Variants in PACSIN2 observed in about 807,000 individuals in gnomAD.
PACSIN2 encodes the protein protein kinase C and casein kinase substrate in neurons 2.
Under a neutral mutation model 63.8 loss-of-function variants are expected in PACSIN2, and 25 were observed. The observed-to-expected ratio is 0.39, with a 90% CI of 0.29 to 0.55. The LOEUF is 0.55. PACSIN2 is among the 20% of genes least tolerant of loss of function. The probability of loss-of-function intolerance (pLI) is 0.62; values close to 1 mark genes in which losing one functional copy is unlikely to be tolerated. For missense variants in PACSIN2, 518 were observed against 646.9 expected (o/e 0.80, Z 2.16); for synonymous variants, 255 against 256.2 (o/e 1.00, Z 0.05).
At chr22:42,884,364 T>A in intron 6 of PACSIN2, 22 bp downstream of exon 6, 1 of 1,603,266 alleles carries the variant, frequency 6.2e-7, no homozygotes, top group Non-Finnish European at 8.5e-7. Flanking sequence ...GACGTGTGTG[T>A]TTTAGCTCAA....
chr22:42,890,398 T>C (rs909597965), intron 4 of PACSIN2, among the ~76,000 whole-genome samples: 6 of 152,224 alleles, frequency 3.9e-5, no homozygotes, highest in African/African-American at 1.4e-4. Flanking sequence ...AATGTATGGT[T>C]CTGATCCTCA....
intron 1 of PACSIN2, among the ~76,000 whole-genome samples, chr22:42,966,099 C>A (rs138688643): frequency 1.3e-5 from 2 of 152,130 alleles, no homozygotes; most frequent in Non-Finnish European, 2.9e-5. Flanking sequence ...GGGCTGGGCG[C>A]GGTGGCTCAC....
intron 1 of PACSIN2, among the ~76,000 whole-genome samples, chr22:42,941,202 G>A (rs1364445949): frequency 1.5e-5 from 2 of 134,914 alleles, no homozygotes; most frequent in African/African-American, 2.9e-5. Flanking sequence ...TTCAAGGTTC[G>A]TCCACGTTGC....
At chr22:42,889,398 A>T (rs191032218) in intron 4 of PACSIN2, among the ~76,000 whole-genome samples, 1 of 151,306 alleles carries the variant, frequency 6.6e-6, no homozygotes, top group African/African-American at 2.4e-5. Context: ...ACACACACAC[A>T]CTCTTAACAG....
Position 42,912,048 on chromosome 22 carries a change from T to C in PACSIN2, c.33A>G (p.Val11=), listed in dbSNP as rs1482780659. 4.4e-6 allele frequency: 7 copies of C among 1,605,808 alleles called. No individual in the cohort carries two copies. Among genetic ancestry groups the C allele is most frequent in the Non-Finnish European group, 5.9e-6 (7 of 1,177,132 alleles). The change falls in exon 2 of 11, where the codon GTA becomes GTG. Residue 11 remains valine (V), a synonymous_variant. Transcript: ENST00000263246. ...CCCAGAAGCTGTCGCTGGACACTTCTACTCCAACGGAATCATCATATGTGA... is the reference window on the plus strand; with the variant it reads ...CCCAGAAGCTGTCGCTGGACACTTCCACTCCAACGGAATCATCATATGTGA... MSVTYDDSVG[V]EVSSDSFWEV...
intron 2 of PACSIN2, among the ~76,000 whole-genome samples, chr22:42,908,775 G>A (rs915458087): frequency 2.6e-5 from 4 of 152,128 alleles, no homozygotes; most frequent in Non-Finnish European, 5.9e-5. Flanking sequence ...TCCAGACTTG[G>A]TTCCAACCTG....
intron 1 of PACSIN2, among the ~76,000 whole-genome samples, chr22:42,928,785 A>G (rs1342336062): frequency 6.6e-6 from 1 of 152,240 alleles, no homozygotes; most frequent in African/African-American, 2.4e-5. Flanking sequence ...TACACTGAAC[A>G]TAATTTCATT....
intron 1 of PACSIN2, among the ~76,000 whole-genome samples, chr22:42,982,884 AAAAAAAC>A (rs926503436): frequency 4.4e-5 from 6 of 137,874 alleles, no homozygotes; most frequent in African/African-American, 1.7e-4. Flanking sequence ...AAAAAAAAAA[AAAAAAAC>A]AACAACAAGG....
intron 1 of PACSIN2, among the ~76,000 whole-genome samples, chr22:42,985,374 G>A (rs1922532388): frequency 6.6e-6 from 1 of 152,186 alleles, no homozygotes. Context: ...CCCAGAGACT[G>A]GCTGTCTCCC....
intron 2 of PACSIN2, among the ~76,000 whole-genome samples, chr22:42,895,208 C>T (rs1028263330): frequency 3.9e-5 from 6 of 152,312 alleles, no homozygotes; most frequent in South Asian, 2.1e-4. Flanking sequence ...GTGAGGAAGT[C>T]GGAAGTGAGC....
chr22:42,874,197 C>T (rs1928393436), intron 10 of PACSIN2, among the ~76,000 whole-genome samples: 1 of 151,848 alleles, frequency 6.6e-6, no homozygotes, highest in Admixed American at 6.6e-5. Context: ...ATCTGTGGTC[C>T]CAGCTACGTA....
chr22:42,990,838 C>T (rs1922992746), intron 1 of PACSIN2, among the ~76,000 whole-genome samples: 1 of 152,048 alleles, frequency 6.6e-6, no homozygotes, highest in African/African-American at 2.4e-5. Flanking sequence ...CTCTATTTGG[C>T]TCAAGAGCTA....
chr22:42,889,398 A>ACACACACACACACT (rs778420398), intron 4 of PACSIN2, among the ~76,000 whole-genome samples: 6 of 151,422 alleles, frequency 4.0e-5, no homozygotes, highest in Non-Finnish European at 8.8e-5. Context: ...ACACACACAC[A>ACACACACACACACT]CTCTTAACAG....
chr22:42,947,162 T>C (rs1003129113), intron 1 of PACSIN2: 9 of 152,056 alleles, frequency 5.9e-5, no homozygotes, highest in Non-Finnish European at 5.9e-5. Flanking sequence ...GGAAAAAATA[T>C]AGAATGGGTC....
rs527921063 is a variant in PACSIN2, at chr22:42,992,412, G to A, written c.-78+22609C>T. 5.9e-5 allele frequency among the ~76,000 whole-genome samples: 9 copies of A among 152,222 alleles called. No homozygotes were observed. In the South Asian group the frequency reaches 1.9e-3, roughly 31 times the overall value. ...TAGCCTAACCACCTAAACCACCAAAGCACCTAGCCATTCCACTCTAGGTAT... is the reference window on the plus strand; with the variant it reads ...TAGCCTAACCACCTAAACCACCAAAACACCTAGCCATTCCACTCTAGGTAT... On this transcript the variant is annotated intron_variant, in intron 1 of 10. Coordinates refer to ENST00000263246, the MANE Select transcript of PACSIN2 (RefSeq NM_001184970.3).
intron 1 of PACSIN2, among the ~76,000 whole-genome samples, chr22:42,958,460 C>T (rs1380917107): frequency 2.0e-5 from 3 of 152,168 alleles, no homozygotes; most frequent in East Asian, 1.9e-4. Context: ...AAATCTCATA[C>T]CTGTAAAAAT....
At chr22:42,971,249 C>A (rs919138291) in intron 1 of PACSIN2, among the ~76,000 whole-genome samples, 6 of 152,180 alleles carry the variant, frequency 3.9e-5, no homozygotes, top group Non-Finnish European at 7.3e-5. Context: ...CCACGCCTGA[C>A]TGGTTTTTGT....
At chr22:42,970,327 CA>C (rs1921162956) in intron 1 of PACSIN2, among the ~76,000 whole-genome samples, 1 of 152,224 alleles carries the variant, frequency 6.6e-6, no homozygotes, top group Non-Finnish European at 1.5e-5. Flanking sequence ...CAAATTCATC[CA>C]CCAATCTAAT....
intron 4 of PACSIN2, among the ~76,000 whole-genome samples, 197 bp downstream of exon 4, chr22:42,890,750 A>G (rs1929844386): frequency 6.6e-6 from 1 of 152,200 alleles, no homozygotes; most frequent in East Asian, 1.9e-4. Context: ...GAATGCACAT[A>G]GAGCATTCAG....
Sources: gnomAD v4.1 joint callset for allele counts (sites outside exome capture counted in the v4.1 genomes callset) on GRCh38, gnomAD v4.1.1 for gene constraint, MANE v1.5 for transcripts, NCBI Gene and HGNC (gene_info 2026-07-23, HGNC 2026-07-21) for gene names.